The following GPRASP1 variants were observed in gnomAD, a reference collection of about 807,000 sequenced individuals.
GPRASP1 encodes the protein G protein-coupled receptor-associated sorting protein 1.
GPRASP1 carries 28 observed loss-of-function variants against 68.4 expected under a neutral mutation model. The observed-to-expected ratio is 0.41, with a 90% CI of 0.30 to 0.56. The LOEUF (loss-of-function observed/expected upper bound fraction) is 0.56. Ranked by LOEUF, GPRASP1 falls within the 20% of genes least tolerant of loss-of-function variation. The pLI is 0.29. For missense variants in GPRASP1, 913 were observed against 1,031.5 expected (o/e 0.89, Z 1.57); for synonymous variants, 304 against 358.2 (o/e 0.85, Z 1.71).
intron 4 of GPRASP1, 107 bp from the exon 5 acceptor site, chrX:102,653,114 T>C (rs934416985): frequency 3.6e-5 from 4 of 111,964 alleles, no homozygotes; most frequent in African/African-American, 1.3e-4. Context: ...CAGGAAACCA[T>C]AGATACATTG....
chrX:102,654,521 TC>T lies in GPRASP1; in HGVS notation c.609del (p.Trp204GlyfsTer16). 8.3e-7 allele frequency: 1 copy of T among 1,210,981 alleles called. No individual in the cohort carries two copies. Among genetic ancestry groups the T allele is most frequent in the Non-Finnish European group, 1.1e-6 (1 of 894,737 alleles). ...KWVDKSVSSL[F>X]WSGDEVTAKF... ...GTAGACAAATCTGTGAGTTCCTTGT[TC>T]TGGAGTGGAGATGAGGTCACTGCAA... On this transcript the variant is annotated frameshift_variant, in exon 6 of 6. Transcript: ENST00000537097. LOFTEE classifies it high-confidence loss of function.
In GPRASP1 at chrX:102,655,659, C is replaced by A. The variant is rs763359790; in HGVS notation, c.1746C>A (p.Ser582=). The change falls in exon 6 of 6, where the codon TCC becomes TCA. Residue 582 remains serine, a synonymous_variant. Transcript: ENST00000537097. ...PGAEEETIFG[S]WFWAENQTYM... ...CTGAAGAAGAGACAATATTCGGGTCCTGGTTTTGGGCTGAAAACCAGACCT... is the reference window on the plus strand; with the variant it reads ...CTGAAGAAGAGACAATATTCGGGTCATGGTTTTGGGCTGAAAACCAGACCT... 6.4e-5 allele frequency: 77 copies of A among 1,209,032 alleles called. No individual in the cohort carries two copies. The highest frequency in any genetic ancestry group is 1.1e-5 in the Non-Finnish European group (10 of 894,967).
Position 102,657,289 on chromosome X carries a change from C to T in GPRASP1, c.3376C>T (p.Arg1126Ter), listed in dbSNP as rs1275527495. The change falls in exon 6 of 6, where the codon CGA becomes TGA. Residue 1126 changes from arginine (R) to a stop codon, truncating the protein, a stop_gained. Coordinates refer to ENST00000537097, the MANE Select transcript of GPRASP1 (RefSeq NM_001184727.2). LOFTEE classifies it high-confidence loss of function. ...TTCCTACAGGTCAGTCCAGGAAATT[C>T]GAGAGCATCTTAGGGCCAAGGAGAG... The part of the protein sequence containing the change: ...DPSYRSVQEI[R>*]EHLRAKESTE... 2.5e-6 allele frequency: 3 copies of T among 1,210,225 alleles called. No individual in the cohort carries two copies. The highest frequency in any genetic ancestry group is 3.4e-6 in the Non-Finnish European group (3 of 894,368).
rs1335477181 is a variant in GPRASP1 at position 102,655,787 on chromosome X, TGG to T, written c.1875_1876del (p.Glu626GlyfsTer2). The T allele has an allele frequency of 9.1e-6, 11 of 1,207,880 alleles. No individual in the cohort carries two copies. Among genetic ancestry groups the T allele is most frequent in the Non-Finnish European group, 1.2e-5 (11 of 894,508 alleles). ...TTTTGGACCAGAGTAGAAGCTTGTG[TGG>T]AGGGTGATGTCAACAGCAAGTCTAG... On this transcript the variant is annotated frameshift_variant, in exon 6 of 6. Transcript: ENST00000537097. LOFTEE classifies it high-confidence loss of function.
chrX:102,655,267 A>G lies in GPRASP1; in HGVS notation c.1354A>G (p.Ser452Gly). The G allele has an allele frequency of 8.3e-7, 1 of 1,212,003 alleles. No individual in the cohort carries two copies. ...EEEASMGTGA[S>G]SKSRPRTDGE... ...AGAGGCCAGTATGGGGACTGGGGCT[A>G]GCAGTAAATCCAGACCAAGGACTGA... Residue 452 changes from serine (S) to glycine (G), a missense_variant, in exon 6 of 6, where the codon AGC becomes GGC. Physicochemically the swap from Ser to Gly is moderately conservative, Grantham distance 56. Transcript: ENST00000537097.
chrX:102,652,351 G>A (rs1384186721), intron 3 of GPRASP1, 86 bp downstream of exon 3: 3 of 112,169 alleles, frequency 2.7e-5, no homozygotes, highest in Non-Finnish European at 3.8e-5. Flanking sequence ...AGGCATCCAG[G>A]AGCACCTCTT....
Position 102,658,669 on chromosome X carries a change from TA to T in GPRASP1, c.*582del, listed in dbSNP as rs11309851. 0.42 allele frequency: 43,258 copies of T among 103,734 alleles called. 8,078 individuals carry two copies. The highest frequency in any genetic ancestry group is 0.75 in the African/African-American group (20,319 of 26,968). 8.5% of individuals were successfully genotyped at this position (103,734 alleles called of 1,213,427 possible). ...AAGTTTGGGAAAGATATTGGTGGTGTAAAAAAAAAAAAAAGCATGGAGTTAG... is the reference window on the plus strand; with the variant it reads ...AAGTTTGGGAAAGATATTGGTGGTGTAAAAAAAAAAAAAGCATGGAGTTAG... On this transcript the variant is annotated 3_prime_UTR_variant, in exon 6 of 6. Coordinates refer to ENST00000537097, the MANE Select transcript of GPRASP1 (RefSeq NM_001184727.2).
In GPRASP1 at chrX:102,658,755, A is replaced by G. The variant is rs2081442467; in HGVS notation, c.*654A>G. 8.2e-6 allele frequency: 1 copy of G among 122,086 alleles called. No homozygotes were observed. The highest frequency in any genetic ancestry group is 9.7e-5 in the Admixed American group (1 of 10,344). 10.1% of individuals were successfully genotyped at this position (122,086 alleles called of 1,213,427 possible). Reference sequence around the variant, plus strand: ...TGCCTAGAGTGAGTGAGAGGAATATATTGAGCAACATAGAGGATGACATAA... The same window carrying G: ...TGCCTAGAGTGAGTGAGAGGAATATGTTGAGCAACATAGAGGATGACATAA... On this transcript the variant is annotated 3_prime_UTR_variant, in exon 6 of 6. Coordinates refer to ENST00000537097, the MANE Select transcript of GPRASP1 (RefSeq NM_001184727.2).
rs141447147 is a variant in GPRASP1 at position 102,657,942 on chromosome X, G to C, written c.4029G>C (p.Glu1343Asp). The C allele has an allele frequency of 2.3e-5, 27 of 1,183,098 alleles. No individual in the cohort carries two copies. The highest frequency in any genetic ancestry group is 2.4e-5 in the Non-Finnish European group (21 of 871,178). The change falls in exon 6 of 6, where the codon GAG (glutamate) becomes GAC (aspartate). Residue 1343 changes from glutamate to aspartate, a missense_variant. Transcript: ENST00000537097. Reference sequence around the variant, plus strand: ...TTCAAATTGTTCTTGCAATATTTGAGAATATTGGCAACAATATCAAAAAAG... The same window carrying C: ...TTCAAATTGTTCTTGCAATATTTGACAATATTGGCAACAATATCAAAAAAG... Reference protein sequence around the residue: ...DNIQIVLAIFENIGNNIKKET... With the variant: ...DNIQIVLAIFDNIGNNIKKET...
rs937084423 is a variant in GPRASP1, at chrX:102,658,952, T to G, written c.*851T>G. 2.4e-5 allele frequency: 3 copies of G among 122,978 alleles called. No individual in the cohort carries two copies. Among genetic ancestry groups the G allele is most frequent in the Admixed American group, 9.5e-5 (1 of 10,482 alleles). The allele number at this position is 122,978 out of a possible 1,213,427, so 10.1% of individuals were successfully genotyped here. The stretch of plus-strand genomic sequence containing the variant: ...GTGTTAAGGCAACATCATACAGCCA[T>G]TAAACATGATGATGTATAGGGTTTT... On this transcript the variant is annotated 3_prime_UTR_variant, in exon 6 of 6. Transcript: ENST00000537097.
In GPRASP1 at chrX:102,654,610, G is replaced by T; in HGVS notation, c.697G>T (p.Ala233Ser). Residue 233 changes from alanine to serine, a missense_variant, in exon 6 of 6, where the codon GCT (alanine) becomes TCT (serine). By Grantham distance (99) the Ala-to-Ser change is moderately conservative. Coordinates refer to ENST00000537097, the MANE Select transcript of GPRASP1 (RefSeq NM_001184727.2). ...ATCCATGCACATGGCCAATCAAGAG[G>T]CTAATACCATGTCTAGGTCCCAAAC... ...NRSMHMANQE[A>S]NTMSRSQTNQ... The T allele has an allele frequency of 8.3e-7, 1 of 1,207,610 alleles. No individual in the cohort carries two copies.
In GPRASP1 at chrX:102,657,388, C is replaced by T. The variant is rs759981779; in HGVS notation, c.3475C>T (p.Leu1159Phe). 1 of 1,210,580 alleles carries T rather than the reference C, an allele frequency of 8.3e-7. No homozygotes were observed. The highest frequency in any genetic ancestry group is 3.0e-5 in the East Asian group (1 of 33,829). ...AATTGGTTCTGAAGAGTTTGAAGAA[C>T]TCCTTTTATTAATGGAAAAAATTCG... ...LKIGSEEFEE[L>F]LLLMEKIRDP... The change falls in exon 6 of 6, where the codon CTC becomes TTC. Residue 1159 changes from leucine (L) to phenylalanine (F), a missense_variant. Transcript: ENST00000537097.
At position 102,656,318 on chromosome X, in the gene GPRASP1, G is replaced by A. The variant is rs980332735; in HGVS notation, c.2405G>A (p.Arg802Lys). The A allele has an allele frequency of 3.4e-6, 4 of 1,193,085 alleles. No homozygotes were observed. The African/African-American group carries it at 7.1e-5, about 21-fold the overall frequency. ...EPAAETREED[R>K]LAAEKEGIVG... The stretch of plus-strand genomic sequence containing the variant: ...GCTGCTGAGACTAGAGAAGAAGACA[G>A]GCTAGCAGCTGAGAAAGAAGGTATT... The change falls in exon 6 of 6, where the codon AGG becomes AAG. Residue 802 changes from arginine to lysine, a missense_variant. By Grantham distance (26) the Arg-to-Lys change is conservative. Transcript: ENST00000537097.
rs1431932402 is a variant in GPRASP1 at position 102,655,868 on chromosome X, T to A, written c.1955T>A (p.Val652Asp). Residue 652 changes from valine to aspartate, a missense_variant, in exon 6 of 6, where the codon GTC becomes GAC. Coordinates refer to ENST00000537097, the MANE Select transcript of GPRASP1 (RefSeq NM_001184727.2). Reference protein sequence around the residue: ...MIPCFGAKEEVSMKHGTGVRC... With the variant: ...MIPCFGAKEEDSMKHGTGVRC... ...CCATGTTTTGGAGCCAAAGAAGAGG[T>A]CAGTATGAAGCATGGGACTGGTGTC... The A allele has an allele frequency of 8.3e-7, 1 of 1,208,391 alleles. No individual in the cohort carries two copies. Among genetic ancestry groups the A allele is most frequent in the African/African-American group, 1.8e-5 (1 of 56,640 alleles).
Position 102,655,467 on chromosome X carries a change from T to G in GPRASP1, c.1554T>G (p.Phe518Leu). The stretch of plus-strand genomic sequence containing the variant: ...AAGAGGCTGAGGAAGAGACCATTTT[T>G]GGGTCGTGGTTCTGGGTCATTGATG... ...VNQEAEEETI[F>L]GSWFWVIDAA... The change falls in exon 6 of 6, where the codon TTT (phenylalanine) becomes TTG (leucine). Residue 518 changes from phenylalanine (F) to leucine (L), a missense_variant. By Grantham distance (22) the Phe-to-Leu change is conservative. Coordinates refer to ENST00000537097, the MANE Select transcript of GPRASP1 (RefSeq NM_001184727.2). The G allele has an allele frequency of 8.3e-7, 1 of 1,211,266 alleles. No homozygotes were observed. Among genetic ancestry groups the G allele is most frequent in the Non-Finnish European group, 1.1e-6 (1 of 895,255 alleles).
In GPRASP1 at chrX:102,656,145, A is replaced by G; in HGVS notation, c.2232A>G (p.Glu744=). ...GAGAAAAGGCCAAGTTACTGACTGA[A>G]GAGGAGACCATAATCAATTCCTGGT... ...GTGEKAKLLT[E]EETIINSWFW... The change falls in exon 6 of 6, where the codon GAA becomes GAG. Residue 744 remains glutamate, a synonymous_variant. Coordinates refer to ENST00000537097, the MANE Select transcript of GPRASP1 (RefSeq NM_001184727.2). 2 of 1,211,187 alleles carry G rather than the reference A, an allele frequency of 1.7e-6. No individual in the cohort carries two copies. The highest frequency in any genetic ancestry group is 2.2e-6 in the Non-Finnish European group (2 of 895,015).
Position 102,653,996 on chromosome X carries a change from T to C in GPRASP1, c.83T>C (p.Ile28Thr), listed in dbSNP as rs375509865. ...GAAGAGGTTGTAGGTGGGGCTGAGA[T>C]AGAGAATGATGTCCCTCTGGTGGTC... ...PGEEVVGGAEIENDVPLVVRP... is the reference protein window; with the variant it reads ...PGEEVVGGAETENDVPLVVRP... Residue 28 changes from isoleucine (I) to threonine (T), a missense_variant, in exon 6 of 6, where the codon ATA (isoleucine) becomes ACA (threonine). Physicochemically the swap from Ile to Thr is moderately conservative, Grantham distance 89 (BLOSUM62 -1). Coordinates refer to ENST00000537097, the MANE Select transcript of GPRASP1 (RefSeq NM_001184727.2). 12 of 1,209,621 alleles carry C rather than the reference T, an allele frequency of 9.9e-6. No homozygotes were observed. Among genetic ancestry groups the C allele is most frequent in the Middle Eastern group, 2.3e-4 (1 of 4,375 alleles).
chrX:102,654,158 C>G lies in GPRASP1; in HGVS notation c.245C>G (p.Ala82Gly), dbSNP rs1446234470. 2 of 1,210,799 alleles carry G rather than the reference C, an allele frequency of 1.7e-6. No homozygotes were observed. Among genetic ancestry groups the G allele is most frequent in the Admixed American group, 4.3e-5 (2 of 46,004 alleles). ...GCACGCCCTAAGAGTAAGGCCAAGG[C>G]AATACCTGTTTCACGATTTAAGGAA... Reference protein sequence around the residue: ...GGARPKSKAKAIPVSRFKEEA... With the variant: ...GGARPKSKAKGIPVSRFKEEA... Residue 82 changes from alanine to glycine, a missense_variant, in exon 6 of 6, where the codon GCA (alanine) becomes GGA (glycine). Ala to Gly is a moderately conservative substitution (Grantham distance 60, BLOSUM62 0). Coordinates refer to ENST00000537097, the MANE Select transcript of GPRASP1 (RefSeq NM_001184727.2).
chrX:102,653,931 T>A lies in GPRASP1; in HGVS notation c.18T>A (p.Ile6=). Reference sequence around the variant, plus strand: ...CTTGTACCATGACTGGGGCAGAGATTGAGTCTGGTGCCCAGGTCAAGCCTG... The same window carrying A: ...CTTGTACCATGACTGGGGCAGAGATAGAGTCTGGTGCCCAGGTCAAGCCTG... MTGAE[I]ESGAQVKPEK... The change falls in exon 6 of 6, where the codon ATT becomes ATA. Residue 6 remains isoleucine, a synonymous_variant. Coordinates refer to ENST00000537097, the MANE Select transcript of GPRASP1 (RefSeq NM_001184727.2). 1 of 1,208,951 alleles carries A rather than the reference T, an allele frequency of 8.3e-7. No homozygotes were observed. Among genetic ancestry groups the A allele is most frequent in the African/African-American group, 1.7e-5 (1 of 57,744 alleles).
Sources: gnomAD v4.1 joint callset for allele counts on GRCh38, gnomAD v4.1.1 for gene constraint, MANE v1.5 for transcripts, NCBI Gene and HGNC (gene_info 2026-07-23, HGNC 2026-07-21) for gene names.